The following DLG5 variants were observed in gnomAD, a reference collection of about 807,000 sequenced individuals.
DLG5 encodes the protein discs large MAGUK scaffold protein 5.
A neutral mutation model predicts 189.8 loss-of-function variants in DLG5; 48 were observed. That is an observed-to-expected ratio of 0.25 (90% confidence interval 0.20 to 0.32). The LOEUF (loss-of-function observed/expected upper bound fraction) is 0.32. Among genes scored for constraint, DLG5 ranks in the 10% least tolerant of loss-of-function variants. The pLI is 1.00. For missense variants in DLG5, 2,160 were observed against 2,544.7 expected, an observed-to-expected ratio of 0.85 and a Z score of 3.25; for synonymous variants, 1,016 against 1,054.1, an observed-to-expected ratio of 0.96 and a Z score of 0.70.
At chr10:77,844,838 G>A (rs1436275667) in intron 5 of DLG5, among the ~76,000 whole-genome samples, 2 of 152,250 alleles carry the variant, frequency 1.3e-5, no homozygotes, top group African/African-American at 4.8e-5. Flanking sequence ...AGAGGCAAAT[G>A]AAGAAGAGCA....
intron 1 of DLG5, among the ~76,000 whole-genome samples, chr10:77,921,138 G>A (rs1846522351): frequency 6.6e-6 from 1 of 152,172 alleles, no homozygotes; most frequent in East Asian, 1.9e-4. Context: ...TTGAGCCCAG[G>A]AGTTTGAGGC....
chr10:77,915,144 G>C (rs984387879), intron 1 of DLG5, among the ~76,000 whole-genome samples: 4 of 151,922 alleles, frequency 2.6e-5, no homozygotes, highest in Admixed American at 1.3e-4. Flanking sequence ...CTGGCCAAGA[G>C]AGTGAAACCC....
At chr10:77,807,710 A>G in intron 25 of DLG5, 86 bp downstream of exon 25, 1 of 1,482,942 alleles carries the variant, frequency 6.7e-7, no homozygotes, top group Non-Finnish European at 9.2e-7. Context: ...GGCAAGAAAC[A>G]GAGAGCCATT....
chr10:77,815,180 C>G (rs1014959899), intron 20 of DLG5, among the ~76,000 whole-genome samples: 3 of 152,180 alleles, frequency 2.0e-5, no homozygotes, highest in African/African-American at 4.8e-5. Flanking sequence ...TGGCCAGGGC[C>G]GGGGCTGAGT....
chr10:77,832,276 G>C (rs902463605), intron 9 of DLG5, among the ~76,000 whole-genome samples: 3 of 152,262 alleles, frequency 2.0e-5, no homozygotes, highest in Non-Finnish European at 4.4e-5. Flanking sequence ...ATGTGAAAGA[G>C]AGACTCAGAA....
chr10:77,793,993 C>T lies in DLG5; in HGVS notation c.5656+15G>A, dbSNP rs896043823. 3.1e-6 allele frequency: 5 copies of T among 1,609,332 alleles called. No homozygotes were observed. The highest frequency in any genetic ancestry group is 1.1e-5 in the South Asian group (1 of 90,982). ...CCTGCTGCCTGCTCCCCACTCCAGGCCCACGCACACCTACCTGTGAAGTAC... is the reference window on the plus strand; with the variant it reads ...CCTGCTGCCTGCTCCCCACTCCAGGTCCACGCACACCTACCTGTGAAGTAC... On this transcript the variant is annotated intron_variant, in intron 31 of 31. Coordinates refer to ENST00000372391, the MANE Select transcript of DLG5 (RefSeq NM_004747.4).
At chr10:77,801,925 C>G (rs1481152407) in intron 27 of DLG5, among the ~76,000 whole-genome samples, 2 of 152,086 alleles carry the variant, frequency 1.3e-5, no homozygotes, top group Non-Finnish European at 2.9e-5. Flanking sequence ...CTGGGTGGGT[C>G]CTAAATAAAA....
intron 16 of DLG5, 35 bp from the exon 17 acceptor site, chr10:77,819,500 AG>A (rs774822180): frequency 6.3e-7 from 1 of 1,596,238 alleles, no homozygotes; most frequent in African/African-American, 1.3e-5. Flanking sequence ...GACGCCCCAA[AG>A]GACCCAGCCA....
At position 77,852,652 on chromosome 10, in the gene DLG5, C is replaced by G. The variant is rs181637320; in HGVS notation, c.864+702G>C. Reference sequence around the variant, plus strand: ...GGTCTCGATCTCCTGACCTCGTGATCTGCCTGCCTCGGCCTCCCAAAGTGC... The same window carrying G: ...GGTCTCGATCTCCTGACCTCGTGATGTGCCTGCCTCGGCCTCCCAAAGTGC... On this transcript the variant is annotated intron_variant, in intron 5 of 31. Transcript: ENST00000372391. Among the ~76,000 whole-genome samples, 6 of 152,230 alleles carry G rather than the reference C, an allele frequency of 3.9e-5. No homozygotes were observed. In the East Asian group the frequency reaches 1.2e-3, roughly 30 times the overall value.
intron 1 of DLG5, among the ~76,000 whole-genome samples, chr10:77,924,028 T>C (rs2801820): frequency 0.72 from 109,050 of 151,818 alleles, 40,608 homozygotes; most frequent in African/African-American, 0.93. Flanking sequence ...CCACGCCCAG[T>C]TAATTTTTGT....
At chr10:77,811,002 C>T (rs1603641188) in intron 23 of DLG5, 92 bp downstream of exon 23, 1 of 1,494,850 alleles carries the variant, frequency 6.7e-7, no homozygotes. Context: ...CACATGAGGC[C>T]AGCTGCCCAG....
At chr10:77,926,960 A>G, upstream of DLG5, 1 of 379,084 alleles carries the variant, frequency 2.6e-6, no homozygotes, top group Non-Finnish European at 5.3e-6. The surrounding 1 kb of genome is among the most constrained non-coding windows in gnomAD (Gnocchi z 5.2). Flanking sequence ...TCCCGGGAGA[A>G]AGTCGCCTGG....
At chr10:77,802,092 A>G (rs756300319) in intron 27 of DLG5, among the ~76,000 whole-genome samples, 41 of 152,318 alleles carry the variant, frequency 2.7e-4, no homozygotes, top group Admixed American at 5.9e-4. Context: ...GGGGCAAGGA[A>G]CAGGCTCTCT....
At position 77,828,967 on chromosome 10, in the gene DLG5, T is replaced by G; in HGVS notation, c.2204A>C (p.Glu735Ala). 6.2e-7 allele frequency: 1 copy of G among 1,613,932 alleles called. No homozygotes were observed. Among genetic ancestry groups the G allele is most frequent in the Non-Finnish European group, 8.5e-7 (1 of 1,179,972 alleles). ...CACAGCGGCAGCATACACTCCATTC[T>G]CCAGACTGATGCCACTGTCTGCAAG... ...SGQKDSGISLENGVYAAAVLP... is the reference protein window; with the variant it reads ...SGQKDSGISLANGVYAAAVLP... Residue 735 changes from glutamate to alanine, a missense_variant, in exon 13 of 32, where the codon GAG becomes GCG. This residue lies in a region of DLG5 where 107 missense variants were observed against 214.5 expected (regional missense o/e 0.50). Coordinates refer to ENST00000372391, the MANE Select transcript of DLG5 (RefSeq NM_004747.4).
At chr10:77,931,707 C>A (rs961566576), upstream of DLG5, among the ~76,000 whole-genome samples, 9 of 152,272 alleles carry the variant, frequency 5.9e-5, no homozygotes, top group African/African-American at 1.9e-4. Flanking sequence ...CTCCCTCCCC[C>A]CTGGCTCCTT....
rs376443649 is a variant in DLG5 at position 77,861,687 on chromosome 10, C to G, written c.374-4795G>C. ...TCCACAGCTCCCTACTGGGGTTGTG[C>G]TAGGATTGCTCCTTGAGAAACACGT... On this transcript the variant is annotated intron_variant, in intron 2 of 31. Coordinates refer to ENST00000372391, the MANE Select transcript of DLG5 (RefSeq NM_004747.4). Among the ~76,000 whole-genome samples the G allele has an allele frequency of 1.1e-4, 17 of 152,288 alleles. 3 individuals are homozygous for G. Among genetic ancestry groups the G allele is most frequent in the Admixed American group, 3.9e-4 (6 of 15,302 alleles).
chr10:77,901,736 C>T (rs1204030510), intron 1 of DLG5, among the ~76,000 whole-genome samples: 1 of 152,172 alleles, frequency 6.6e-6, no homozygotes, highest in African/African-American at 2.4e-5. Context: ...CATAAGGACG[C>T]CAGGACCCAC....
At chr10:77,880,514 TAA>T (rs1845245918) in intron 1 of DLG5, among the ~76,000 whole-genome samples, 1 of 152,094 alleles carries the variant, frequency 6.6e-6, no homozygotes, top group Admixed American at 6.5e-5. Flanking sequence ...GGTCAGGTCT[TAA>T]GAGAGGTGCT....
At chr10:77,939,850 C>T in the DLG5 span, among the ~76,000 whole-genome samples, 2 of 152,194 alleles carry the variant, frequency 1.3e-5, no homozygotes, top group Non-Finnish European at 2.9e-5. Context: ...CAGCAGCAGG[C>T]CACCGCAGAG....
Sources: allele counts gnomAD v4.1 joint callset (sites outside exome capture counted in the v4.1 genomes callset), GRCh38; gene constraint gnomAD v4.1.1; regional missense constraint gnomAD v4.1.1; non-coding constraint Gnocchi (gnomAD v3.1); transcripts MANE v1.5; gene names NCBI Gene and HGNC (gene_info 2026-07-23, HGNC 2026-07-21).